DDX39A: variants seen among roughly 807,000 people sequenced by gnomAD.
DDX39A encodes ATP-dependent RNA helicase DDX39A.
Under a neutral mutation model 46.3 loss-of-function variants are expected in DDX39A, and 13 were observed. The ratio of observed to expected loss-of-function variants is 0.28; its 90% confidence interval spans 0.18 to 0.45. The LOEUF (loss-of-function observed/expected upper bound fraction) is 0.45. Among genes scored for constraint, DDX39A ranks in the 20% least tolerant of loss-of-function variants. The probability of loss-of-function intolerance (pLI) is 1.00; values close to 1 mark genes in which losing one functional copy is unlikely to be tolerated. For missense variants in DDX39A, 352 were observed against 581.8 expected (o/e 0.61, Z 4.06); for synonymous variants, 234 against 224.6 (o/e 1.04, Z -0.38).
chr19:14,413,653 CCTT>C (rs1204600064), intron 1 of DDX39A, among the ~76,000 whole-genome samples: 1 of 152,198 alleles, frequency 6.6e-6, no homozygotes, highest in Non-Finnish European at 1.5e-5. Flanking sequence ...ACAAATGCCT[CCTT>C]CTCCACACGC....
At chr19:14,415,575 G>A (rs1167725972) in intron 1 of DDX39A, among the ~76,000 whole-genome samples, 1 of 151,926 alleles carries the variant, frequency 6.6e-6, no homozygotes, top group African/African-American at 2.4e-5. Flanking sequence ...GGGATTACAG[G>A]TGTGAGCCAC....
In DDX39A at chr19:14,411,627, AC is replaced by A. The variant is rs777996900; in HGVS notation, c.337-30del. The A allele has an allele frequency of 4.0e-5, 4 of 100,346 alleles. No individual in the cohort carries two copies. The highest frequency in any genetic ancestry group is 7.1e-4 in the Admixed American group (1 of 1,416). The allele number at this position is 100,346 out of a possible 1,614,324, so 6.2% of individuals were successfully genotyped here. On this transcript the variant is annotated intron_variant, in intron 3 of 10. Transcript: ENST00000242776. The surrounding 1 kb of genome is among the most constrained non-coding windows in gnomAD (Gnocchi z 4.1). Reference sequence around the variant, plus strand: ...GGAAGTGGCATAAGAAGAGGGCCTTACCTTAGGCAGTGTCCTAAACCCCTTC... The same window carrying A: ...GGAAGTGGCATAAGAAGAGGGCCTTACTTAGGCAGTGTCCTAAACCCCTTC...
In DDX39A at chr19:14,410,915, A is replaced by C; in HGVS notation, c.613+74T>G. On this transcript the variant is annotated intron_variant, in intron 5 of 10. Transcript: ENST00000242776. This position sits in a 1 kb window ranked among gnomAD's most constrained non-coding sequence, Gnocchi z 4.3. ...TGCCGGCCGCCCATGTAACCCACTC[A>C]AGAGCCTTCCGCCTGCTATGGGGCC... The C allele has an allele frequency of 7.1e-7, 1 of 1,410,636 alleles. No individual in the cohort carries two copies. The highest frequency in any genetic ancestry group is 1.5e-5 in the South Asian group (1 of 68,076). 87.4% of individuals were successfully genotyped at this position (1,410,636 alleles called of 1,614,324 possible).
chr19:14,419,234 C>G (rs1976949766), intron 1 of DDX39A, 36 bp downstream of exon 1: 1 of 274,368 alleles, frequency 3.6e-6, no homozygotes, highest in Non-Finnish European at 7.3e-6. Flanking sequence ...CAGACGTCCC[C>G]ACACCGCGGC....
Position 14,411,044 on chromosome 19 carries a change from T to C in DDX39A, c.558A>G (p.Leu186=). The C allele has an allele frequency of 6.2e-7, 1 of 1,611,526 alleles. No individual in the cohort carries two copies. The highest frequency in any genetic ancestry group is 8.5e-7 in the Non-Finnish European group (1 of 1,178,782). ...CCAGCACAAAGTGCTTCACATTCTT[T>C]AGGCTGAAGCTCCTATTCCGCACGA... ...LALVRNRSFS[L]KNVKHFVLDE... is the part of the protein sequence containing the mutation. Residue 186 remains leucine (L), a synonymous_variant, in exon 5 of 11, where the codon CTA becomes CTG. Coordinates refer to ENST00000242776, the MANE Select transcript of DDX39A (RefSeq NM_005804.4). The surrounding 1 kb of genome is among the most constrained non-coding windows in gnomAD (Gnocchi z 4.1).
chr19:14,408,991 G>T (rs201988573), intron 10 of DDX39A, 39 bp from the exon 11 acceptor site: 4 of 1,612,800 alleles, frequency 2.5e-6, no homozygotes, highest in Non-Finnish European at 3.4e-6. Context: ...AGGGCCGGGG[G>T]AGGAACCCTC....
In DDX39A at chr19:14,411,243, C is replaced by T; in HGVS notation, c.430-71G>A. On this transcript the variant is annotated intron_variant, in intron 4 of 10. Transcript: ENST00000242776. The surrounding 1 kb of genome is among the most constrained non-coding windows in gnomAD (Gnocchi z 4.1). Reference sequence around the variant, plus strand: ...AGGCCCCAACCTGCACGGCCCAGCACCTGCGAACAGGAGGCCTCAGGGGAC... The same window carrying T: ...AGGCCCCAACCTGCACGGCCCAGCATCTGCGAACAGGAGGCCTCAGGGGAC... 2 of 1,495,546 alleles carry T rather than the reference C, an allele frequency of 1.3e-6. No homozygotes were observed. Among genetic ancestry groups the T allele is most frequent in the South Asian group, 1.3e-5 (1 of 75,130 alleles). The allele number at this position is 1,495,546 out of a possible 1,614,324, so 92.6% of individuals were successfully genotyped here. A position where few individuals can be genotyped will look rare whatever the true frequency, so the allele number is the denominator to read the frequency against.
Position 14,410,402 on chromosome 19 carries a change from G to A in DDX39A, c.614-68C>T. 1 of 1,380,290 alleles carries A rather than the reference G, an allele frequency of 7.2e-7. No homozygotes were observed. The highest frequency in any genetic ancestry group is 1.0e-6 in the Non-Finnish European group (1 of 972,958). The allele number at this position is 1,380,290 out of a possible 1,614,324, so 85.5% of individuals were successfully genotyped here. On this transcript the variant is annotated intron_variant, in intron 5 of 10. Coordinates refer to ENST00000242776, the MANE Select transcript of DDX39A (RefSeq NM_005804.4). This position sits in a 1 kb window ranked among gnomAD's most constrained non-coding sequence, Gnocchi z 4.3. ...CATGCAGGACCCCCACCCCAGACCA[G>A]ACCCAGACCCCTCCCAACCTGTGCC... is the stretch of plus-strand genomic sequence containing the variant.
Position 14,411,271 on chromosome 19 carries a change from A to T in DDX39A, c.430-99T>A. ...GCGAACAGGAGGCCTCAGGGGACCAAGGCAGGCCTGAGAGCCTCCCGGGGC... is the reference window on the plus strand; with the variant it reads ...GCGAACAGGAGGCCTCAGGGGACCATGGCAGGCCTGAGAGCCTCCCGGGGC... On this transcript the variant is annotated intron_variant, in intron 4 of 10. Transcript: ENST00000242776. The surrounding 1 kb of genome is among the most constrained non-coding windows in gnomAD (Gnocchi z 4.1). The T allele has an allele frequency of 1.4e-6, 2 of 1,403,958 alleles. No homozygotes were observed. Among genetic ancestry groups the T allele is most frequent in the Non-Finnish European group, 1.9e-6 (2 of 1,041,554 alleles). The allele number at this position is 1,403,958 out of a possible 1,614,324, so 87.0% of individuals were successfully genotyped here.
Position 14,410,445 on chromosome 19 carries a change from G to C in DDX39A, c.614-111C>G, listed in dbSNP as rs1406952113. The C allele has an allele frequency of 1.1e-5, 10 of 944,682 alleles. No individual in the cohort carries two copies. The Admixed American group carries it at 1.7e-4, about 16-fold the overall frequency. The allele number at this position is 944,682 out of a possible 1,614,324, so 58.5% of individuals were successfully genotyped here. A position where few individuals can be genotyped will look rare whatever the true frequency, so the allele number is the denominator to read the frequency against. On this transcript the variant is annotated intron_variant, in intron 5 of 10. Coordinates refer to ENST00000242776, the MANE Select transcript of DDX39A (RefSeq NM_005804.4). The surrounding 1 kb of genome is among the most constrained non-coding windows in gnomAD (Gnocchi z 4.3). ...CCTGTGCCAGGGAGCCAGTGGCACC[G>C]TGACGAGGGCAGAGTGAGCCGCGGG...
rs1976525844 is a variant in DDX39A, at chr19:14,410,345, A to C, written c.614-11T>G. ...CATCCCGCCGCATGTCTAGGTGGGG[A>C]GGGCAAGACATGGGTGGGCATGAGC... On this transcript the variant is annotated splice_polypyrimidine_tract_variant and intron_variant, in intron 5 of 10. Coordinates refer to ENST00000242776, the MANE Select transcript of DDX39A (RefSeq NM_005804.4). This position sits in a 1 kb window ranked among gnomAD's most constrained non-coding sequence, Gnocchi z 4.3. The C allele has an allele frequency of 6.2e-7, 1 of 1,610,304 alleles. No individual in the cohort carries two copies. The highest frequency in any genetic ancestry group is 8.5e-7 in the Non-Finnish European group (1 of 1,176,750).
chr19:14,410,436 A>C lies in DDX39A; in HGVS notation c.614-102T>G. 9.8e-7 allele frequency: 1 copy of C among 1,021,114 alleles called. No individual in the cohort carries two copies. Among genetic ancestry groups the C allele is most frequent in the Non-Finnish European group, 1.5e-6 (1 of 659,664 alleles). 63.3% of individuals were successfully genotyped at this position (1,021,114 alleles called of 1,614,324 possible). A position where few individuals can be genotyped will look rare whatever the true frequency, so the allele number is the denominator to read the frequency against. On this transcript the variant is annotated intron_variant, in intron 5 of 10. Transcript: ENST00000242776. This position sits in a 1 kb window ranked among gnomAD's most constrained non-coding sequence, Gnocchi z 4.3. ...CCCTCCCAACCTGTGCCAGGGAGCC[A>C]GTGGCACCGTGACGAGGGCAGAGTG...
At chr19:14,418,467 G>T (rs1976909221) in intron 1 of DDX39A, among the ~76,000 whole-genome samples, 3 of 151,680 alleles carry the variant, frequency 2.0e-5, no homozygotes, top group African/African-American at 7.3e-5. Context: ...TTTTCATTCT[G>T]TTTTTTTTGA....
Position 14,409,070 on chromosome 19 carries a change from C to T in DDX39A, c.1234G>A (p.Glu412Lys), listed in dbSNP as rs1414432764. 1.2e-6 allele frequency: 2 copies of T among 1,614,208 alleles called. No homozygotes were observed. Among genetic ancestry groups the T allele is most frequent in the Non-Finnish European group, 1.7e-6 (2 of 1,180,034 alleles). ...GAGATGTCGATTTCCTCTGGAAGTTCTGCCACATTAACTTCAAACCGGTCC... is the reference window on the plus strand; with the variant it reads ...GAGATGTCGATTTCCTCTGGAAGTTTTGCCACATTAACTTCAAACCGGTCC... ...VQDRFEVNVAELPEEIDISTY... is the reference protein window; with the variant it reads ...VQDRFEVNVAKLPEEIDISTY... The change falls in exon 10 of 11, where the codon GAA (glutamate) becomes AAA (lysine). Residue 412 changes from glutamate to lysine, a missense_variant. This residue lies in a region of DDX39A where 301 missense variants were observed against 469.9 expected (regional missense o/e 0.64). Coordinates refer to ENST00000242776, the MANE Select transcript of DDX39A (RefSeq NM_005804.4). This position sits in a 1 kb window ranked among gnomAD's most constrained non-coding sequence, Gnocchi z 8.3.
intron 1 of DDX39A, among the ~76,000 whole-genome samples, chr19:14,418,266 T>A (rs1004013620): frequency 2.0e-5 from 3 of 150,252 alleles, no homozygotes; most frequent in Admixed American, 6.6e-5. Flanking sequence ...TCCGGCGGGG[T>A]TTTCCCCGCC....
At chr19:14,418,409 C>T (rs145061681) in intron 1 of DDX39A, among the ~76,000 whole-genome samples, 1,769 of 152,260 alleles carry the variant, frequency 0.012, 20 homozygotes, top group Non-Finnish European at 0.021. Flanking sequence ...CTTTCCACCC[C>T]GGAGTTTATT....
chr19:14,410,070 T>A lies in DDX39A; in HGVS notation c.732+146A>T. ...GTGTGGACCAAGCTTGACTCCCAGTTTGACAAGACCGAGGGGAGGAAAGGA... is the reference window on the plus strand; with the variant it reads ...GTGTGGACCAAGCTTGACTCCCAGTATGACAAGACCGAGGGGAGGAAAGGA... On this transcript the variant is annotated intron_variant, in intron 6 of 10. Transcript: ENST00000242776. This position sits in a 1 kb window ranked among gnomAD's most constrained non-coding sequence, Gnocchi z 4.3. 3.9e-6 allele frequency: 4 copies of A among 1,030,240 alleles called. No homozygotes were observed. In the South Asian group the frequency reaches 5.2e-5, roughly 13 times the overall value. 63.8% of individuals were successfully genotyped at this position (1,030,240 alleles called of 1,614,324 possible).
At position 14,411,618 on chromosome 19, in the gene DDX39A, G is replaced by A. The variant is rs776395563; in HGVS notation, c.337-20C>T. On this transcript the variant is annotated intron_variant, in intron 3 of 10. Transcript: ENST00000242776. This position sits in a 1 kb window ranked among gnomAD's most constrained non-coding sequence, Gnocchi z 4.1. ...CGTCACCTGGGAAGTGGCATAAGAA[G>A]AGGGCCTTACCTTAGGCAGTGTCCT... The A allele has an allele frequency of 1.3e-6, 2 of 1,509,550 alleles. No individual in the cohort carries two copies. The highest frequency in any genetic ancestry group is 1.1e-5 in the South Asian group (1 of 87,736). The allele number at this position is 1,509,550 out of a possible 1,614,324, so 93.5% of individuals were successfully genotyped here.
chr19:14,419,223 T>C (rs960284319), intron 1 of DDX39A, 47 bp downstream of exon 1: 14 of 309,708 alleles, frequency 4.5e-5, no homozygotes, highest in Non-Finnish European at 1.3e-5. Context: ...CGCTCTCAGT[T>C]CAGACGTCCC....
Sources: allele counts gnomAD v4.1 joint callset (sites outside exome capture counted in the v4.1 genomes callset), GRCh38; gene constraint gnomAD v4.1.1; regional missense constraint gnomAD v4.1.1; non-coding constraint Gnocchi (gnomAD v3.1); transcripts MANE v1.5; gene names NCBI Gene and HGNC (gene_info 2026-07-23, HGNC 2026-07-21).